The following FRMD4B variants were observed in gnomAD, a reference collection of about 807,000 sequenced individuals.
FRMD4B encodes FERM domain-containing protein 4B.
FRMD4B carries 74 observed loss-of-function variants against 141.5 expected under a neutral mutation model. The observed-to-expected ratio is 0.52, with a 90% CI of 0.43 to 0.63. The LOEUF (loss-of-function observed/expected upper bound fraction) is 0.63. Ranked by LOEUF, FRMD4B falls within the 30% of genes least tolerant of loss-of-function variation. The pLI is 0.00. For synonymous variants in FRMD4B, 506 were observed against 467.9 expected, an observed-to-expected ratio of 1.08 and a Z score of -1.05; for missense variants, 1,366 against 1,253.4, an observed-to-expected ratio of 1.09 and a Z score of -1.36.
At chr3:69,228,261 A>G (rs897294779) in intron 7 of FRMD4B, 1 of 453,394 alleles carries the variant, frequency 2.2e-6, no homozygotes, top group Admixed American at 2.4e-5. Context: ...TTCTACACTA[A>G]TACTCTACAA....
At chr3:69,278,996 T>C (rs949205910) in intron 5 of FRMD4B, among the ~76,000 whole-genome samples, 1 of 152,170 alleles carries the variant, frequency 6.6e-6, no homozygotes, top group African/African-American at 2.4e-5. Flanking sequence ...AAATATTATG[T>C]CTTACAAAGT....
chr3:69,431,076 C>T (rs1404093783), intron 2 of FRMD4B, among the ~76,000 whole-genome samples: 1 of 151,750 alleles, frequency 6.6e-6, no homozygotes, highest in East Asian at 1.9e-4. Context: ...AGTGGAAAAT[C>T]GCTGCTTGTG....
chr3:69,183,602 C>A (rs528181080), intron 19 of FRMD4B, among the ~76,000 whole-genome samples: 4 of 150,188 alleles, frequency 2.7e-5, no homozygotes, highest in Non-Finnish European at 5.9e-5. Flanking sequence ...CCTGCCTCAG[C>A]CTCCGGAGTA....
chr3:69,245,421 AACCTCC>A (rs1231853130), intron 7 of FRMD4B, among the ~76,000 whole-genome samples: 7 of 150,710 alleles, frequency 4.6e-5, no homozygotes, highest in South Asian at 4.2e-4. Context: ...GCTCAGTGCA[AACCTCC>A]ACCTCCACCT....
At chr3:69,439,065 G>C (rs868153981) in intron 1 of FRMD4B, among the ~76,000 whole-genome samples, 1 of 149,894 alleles carries the variant, frequency 6.7e-6, no homozygotes, top group Non-Finnish European at 1.5e-5. Flanking sequence ...GTGTGTATGT[G>C]TGTGTGTGTG....
Position 69,311,247 on chromosome 3 carries a change from C to G in FRMD4B, c.323+16G>C, listed in dbSNP as rs368676165. Reference sequence around the variant, plus strand: ...CAGGCAAAAGGTAAAGAAACTAAAACTATTAAAGGACTTACGTGTCATCTA... The same window carrying G: ...CAGGCAAAAGGTAAAGAAACTAAAAGTATTAAAGGACTTACGTGTCATCTA... On this transcript the variant is annotated intron_variant, in intron 3 of 22. Transcript: ENST00000398540. 18 of 1,246,818 alleles carry G rather than the reference C, an allele frequency of 1.4e-5. No homozygotes were observed. In the African/African-American group the frequency reaches 2.5e-4, roughly 17 times the overall value. 77.2% of individuals were successfully genotyped at this position (1,246,818 alleles called of 1,614,324 possible). A position where few individuals can be genotyped will look rare whatever the true frequency, so the allele number is the denominator to read the frequency against.
chr3:69,391,242 ATT>A (rs764189098), intron 2 of FRMD4B, among the ~76,000 whole-genome samples: 20 of 144,614 alleles, frequency 1.4e-4, no homozygotes, highest in African/African-American at 5.2e-4. Context: ...TTATTTATTT[ATT>A]TTTATTTTTT....
chr3:69,284,359 G>A (rs932649623), intron 5 of FRMD4B, among the ~76,000 whole-genome samples: 1 of 152,122 alleles, frequency 6.6e-6, no homozygotes, highest in African/African-American at 2.4e-5. Context: ...GGATAAGAGG[G>A]AAGAGTGCCT....
chr3:69,539,626 T>G (rs1336545849), intron 1 of FRMD4B, among the ~76,000 whole-genome samples: 1 of 152,180 alleles, frequency 6.6e-6, no homozygotes, highest in Non-Finnish European at 1.5e-5. Flanking sequence ...AATACGGTAT[T>G]TAGGTAATTT....
intron 5 of FRMD4B, among the ~76,000 whole-genome samples, chr3:69,253,183 A>ATTTTTTTTTTTT (rs5849890): frequency 1.5e-5 from 2 of 129,880 alleles, no homozygotes; most frequent in African/African-American, 3.0e-5. Context: ...TATGATTCCT[A>ATTTTTTTTTTTT]TTTTTTTTTT....
chr3:69,524,366 G>C (rs1005936187), intron 1 of FRMD4B, among the ~76,000 whole-genome samples: 2 of 152,192 alleles, frequency 1.3e-5, no homozygotes, highest in Non-Finnish European at 2.9e-5. Context: ...TTAAGTCACA[G>C]AGTTAGGATT....
intron 1 of FRMD4B, chr3:69,376,858 AACCAACTGGG>A (rs1387722335): frequency 6.6e-6 from 1 of 152,170 alleles, no homozygotes; most frequent in Non-Finnish European, 1.5e-5. Flanking sequence ...TTTCCACAAC[AACCAACTGGG>A]ACAACAAAAA....
Position 69,171,804 on chromosome 3 carries a change from T to C in FRMD4B, c.*57A>G. 2 of 1,545,214 alleles carry C rather than the reference T, an allele frequency of 1.3e-6. No individual in the cohort carries two copies. Among genetic ancestry groups the C allele is most frequent in the Non-Finnish European group, 1.8e-6 (2 of 1,126,470 alleles). On this transcript the variant is annotated 3_prime_UTR_variant, in exon 23 of 23. Transcript: ENST00000398540. ...ACATCCTCTCGGAAGACAAATACAA[T>C]TTGCAAGGCACACTAGTGTGAGAAC...
chr3:69,200,105 C>T (rs972762524), intron 11 of FRMD4B, among the ~76,000 whole-genome samples: 1 of 152,152 alleles, frequency 6.6e-6, no homozygotes, highest in Admixed American at 6.6e-5. Context: ...GCACTATCAG[C>T]AAAACCATTT....
At chr3:69,372,641 G>T (rs184812482) in intron 1 of FRMD4B, among the ~76,000 whole-genome samples, 1 of 152,172 alleles carries the variant, frequency 6.6e-6, no homozygotes, top group East Asian at 1.9e-4. Flanking sequence ...CTCCAGCCTG[G>T]GTAACAGAGC....
At chr3:69,335,449 T>C (rs1291867442) in intron 1 of FRMD4B, among the ~76,000 whole-genome samples, 1 of 149,414 alleles carries the variant, frequency 6.7e-6, no homozygotes, top group Non-Finnish European at 1.5e-5. Context: ...CTTGGCTCAC[T>C]GCAACCTCCA....
rs888303024 is a variant in FRMD4B, at chr3:69,175,136, A to T, written c.2984+1388T>A. Among the ~76,000 whole-genome samples, 4 of 152,336 alleles carry T rather than the reference A, an allele frequency of 2.6e-5. No homozygotes were observed. In the South Asian group the frequency reaches 6.2e-4, roughly 24 times the overall value. On this transcript the variant is annotated intron_variant, in intron 22 of 22. Transcript: ENST00000398540. ...TTGTAACAGTGAGTGTCTTAATAAG[A>T]AACTGCTAAATTCTCAAATTTACCA...
intron 1 of FRMD4B, among the ~76,000 whole-genome samples, chr3:69,372,244 G>A (rs1703845206): frequency 6.6e-6 from 1 of 152,168 alleles, no homozygotes; most frequent in African/African-American, 2.4e-5. Flanking sequence ...TCCCTTGCCA[G>A]CTTCATCCCC....
At chr3:69,183,298 C>T (rs898893413) in intron 19 of FRMD4B, among the ~76,000 whole-genome samples, 1 of 151,872 alleles carries the variant, frequency 6.6e-6, no homozygotes, top group Non-Finnish European at 1.5e-5. Flanking sequence ...TTTTGATCCC[C>T]CCACCACCAG....
Sources: gnomAD v4.1 joint callset for allele counts (sites outside exome capture counted in the v4.1 genomes callset) on GRCh38, gnomAD v4.1.1 for gene constraint, MANE v1.5 for transcripts, NCBI Gene and HGNC (gene_info 2026-07-23, HGNC 2026-07-21) for gene names.